The following WWOX variants were observed in gnomAD, a reference collection of about 807,000 sequenced individuals.
WWOX encodes the protein WW domain containing oxidoreductase.
WWOX carries 69 observed loss-of-function variants against 46.2 expected under a neutral mutation model. That is an observed-to-expected ratio of 1.49 (90% CI 1.23 to 1.82). WWOX has a LOEUF of 1.82. WWOX is among the 40% of genes most tolerant of loss of function. The pLI, the probability that WWOX is intolerant of heterozygous loss-of-function variation, is 0.00. For missense variants in WWOX, 919 were observed against 542.6 expected (o/e 1.69, Z -6.89); for synonymous variants, 359 against 202.6 (o/e 1.77, Z -6.56).
intron 8 of WWOX, among the ~76,000 whole-genome samples, chr16:78,621,811 TAGCC>T (rs2046196605): frequency 6.6e-6 from 1 of 151,934 alleles, no homozygotes; most frequent in Non-Finnish European, 1.5e-5. Flanking sequence ...TTCACCATGT[TAGCC>T]AGGATGGTCT....
chr16:78,992,088 C>T (rs1199766968), intron 8 of WWOX, among the ~76,000 whole-genome samples: 2 of 152,166 alleles, frequency 1.3e-5, no homozygotes, highest in Non-Finnish European at 1.5e-5. Context: ...ATCTACACAC[C>T]TGTGATGTGC....
Position 78,506,728 on chromosome 16 carries a change from T to TTTTTTTTTTTTTTTTTTTTTTTTG in WWOX, c.1056+73976_1056+73977insTTTTTTTTTTTTTTTTTTTTTTTG, listed in dbSNP as rs1330915138. On this transcript the variant is annotated intron_variant, in intron 8 of 8. Transcript: ENST00000566780. ...TTTTTTTTTTTTTTTTTTTTTTTTTTGTACAGAGTCTTGCTCTGTTGTCCA... is the reference window on the plus strand; with the variant it reads ...TTTTTTTTTTTTTTTTTTTTTTTTTTTTTTTTTTTTTTTTTTTTTTTTTGGTACAGAGTCTTGCTCTGTTGTCCA... Among the ~76,000 whole-genome samples the TTTTTTTTTTTTTTTTTTTTTTTTG allele has an allele frequency of 8.5e-5, 8 of 93,592 alleles. 1 individual carries two copies. Among genetic ancestry groups the TTTTTTTTTTTTTTTTTTTTTTTTG allele is most frequent in the Non-Finnish European group, 1.4e-4 (6 of 44,406 alleles). The allele number at this position is 93,592 out of a possible 152,430, so 61.4% of individuals were successfully genotyped here. A position where few individuals can be genotyped will look rare whatever the true frequency, so the allele number is the denominator to read the frequency against.
At chr16:78,872,645 C>G (rs976428274) in intron 8 of WWOX, 1 of 152,088 alleles carries the variant, frequency 6.6e-6, no homozygotes, top group African/African-American at 2.4e-5. Context: ...TTTTGCTTAC[C>G]TCACATTTGC....
At chr16:78,856,488 C>G (rs181050006) in intron 8 of WWOX, among the ~76,000 whole-genome samples, 1 of 152,184 alleles carries the variant, frequency 6.6e-6, no homozygotes, top group Non-Finnish European at 1.5e-5. Flanking sequence ...GCTAAAAATA[C>G]AAAAATCAGC....
chr16:78,657,408 G>A (rs2047106393), intron 8 of WWOX, among the ~76,000 whole-genome samples: 1 of 152,228 alleles, frequency 6.6e-6, no homozygotes, highest in South Asian at 2.1e-4. Flanking sequence ...GACTCCCAGG[G>A]CCCTGCAGCA....
At chr16:78,935,660 A>G (rs1048666793) in intron 8 of WWOX, among the ~76,000 whole-genome samples, 2 of 152,004 alleles carry the variant, frequency 1.3e-5, no homozygotes, top group Admixed American at 6.5e-5. Flanking sequence ...AATGTAAATG[A>G]CGAGTTAATG....
chr16:78,190,563 A>C (rs2035854130), intron 5 of WWOX, among the ~76,000 whole-genome samples: 1 of 151,718 alleles, frequency 6.6e-6, no homozygotes, highest in African/African-American at 2.4e-5. Flanking sequence ...CTTCCAGCCA[A>C]CTCTATTGTG....
At chr16:78,597,661 C>T (rs564813767) in intron 8 of WWOX, among the ~76,000 whole-genome samples, 5 of 151,974 alleles carry the variant, frequency 3.3e-5, no homozygotes, top group Admixed American at 2.6e-4. Context: ...TTATGCTTTC[C>T]AAACCCCTAA....
At chr16:79,028,909 G>A (rs182102659) in intron 8 of WWOX, among the ~76,000 whole-genome samples, 264 of 149,048 alleles carry the variant, frequency 1.8e-3, no homozygotes, top group Middle Eastern at 6.9e-3. Context: ...AAAAAAAAAT[G>A]TTCATAAATT....
intron 8 of WWOX, among the ~76,000 whole-genome samples, chr16:78,821,870 C>T (rs528514976): frequency 2.0e-5 from 3 of 152,260 alleles, no homozygotes; most frequent in African/African-American, 4.8e-5. Context: ...TTCCCATCTT[C>T]AAATATTAAA....
intron 8 of WWOX, among the ~76,000 whole-genome samples, chr16:78,674,972 A>G (rs969504186): frequency 5.3e-5 from 8 of 152,136 alleles, no homozygotes; most frequent in Admixed American, 3.3e-4. Context: ...TCAGTGAAAC[A>G]TGATTAACCA....
Position 78,240,247 on chromosome 16 carries a change from G to A in WWOX, c.516+75958G>A, listed in dbSNP as rs555594683. ...CAATCCCAGCTACTCGGGAGGCTGC[G>A]GAGGGGGCATCACTTGAGCCCAGGA... is the stretch of plus-strand genomic sequence containing the variant. On this transcript the variant is annotated intron_variant, in intron 5 of 8. Coordinates refer to ENST00000566780, the MANE Select transcript of WWOX (RefSeq NM_016373.4). 2.7e-3 allele frequency among the ~76,000 whole-genome samples: 416 copies of A among 152,146 alleles called. 2 individuals carry two copies. Among genetic ancestry groups the A allele is most frequent in the African/African-American group, 9.5e-3 (394 of 41,522 alleles).
intron 8 of WWOX, among the ~76,000 whole-genome samples, chr16:78,985,946 G>A (rs1290108374): frequency 6.6e-6 from 1 of 152,204 alleles, no homozygotes; most frequent in Non-Finnish European, 1.5e-5. Flanking sequence ...GAGAAATGCA[G>A]ATGCTGTGTC....
At chr16:78,714,472 C>T (rs1267966803) in intron 8 of WWOX, among the ~76,000 whole-genome samples, 1 of 151,952 alleles carries the variant, frequency 6.6e-6, no homozygotes, top group Non-Finnish European at 1.5e-5. Context: ...GAGTCCCTCC[C>T]ATGATACGTG....
intron 8 of WWOX, among the ~76,000 whole-genome samples, chr16:79,014,891 G>C (rs962393428): frequency 6.6e-6 from 1 of 152,128 alleles, no homozygotes; most frequent in Non-Finnish European, 1.5e-5. Flanking sequence ...GTTTCAATGA[G>C]CATTTATTTA....
intron 8 of WWOX, among the ~76,000 whole-genome samples, chr16:78,509,681 C>G (rs1399789873): frequency 6.6e-6 from 1 of 152,144 alleles, no homozygotes; most frequent in African/African-American, 2.4e-5. Context: ...CAGGCAAAAA[C>G]TACTGATCAA....
At chr16:78,920,371 A>T (rs941627846) in intron 8 of WWOX, among the ~76,000 whole-genome samples, 6 of 152,150 alleles carry the variant, frequency 3.9e-5, no homozygotes, top group Non-Finnish European at 8.8e-5. Context: ...ATGGGTGCAG[A>T]TGTGATGCTT....
intron 5 of WWOX, among the ~76,000 whole-genome samples, chr16:78,212,825 T>A (rs1331258658): frequency 2.6e-5 from 4 of 152,160 alleles, no homozygotes; most frequent in African/African-American, 9.7e-5. Context: ...CTGCTTAAAA[T>A]GGCTTTTCTC....
At chr16:79,184,341 C>T (rs2050971925) in intron 8 of WWOX, among the ~76,000 whole-genome samples, 1 of 152,204 alleles carries the variant, frequency 6.6e-6, no homozygotes, top group African/African-American at 2.4e-5. Flanking sequence ...ACACCCATCA[C>T]TGTGACAGAC....
Sources: allele counts gnomAD v4.1 joint callset (sites outside exome capture counted in the v4.1 genomes callset), GRCh38; gene constraint gnomAD v4.1.1; transcripts MANE v1.5; gene names NCBI Gene and HGNC (gene_info 2026-07-23, HGNC 2026-07-21).